Variants in MAP3K19 observed in about 807,000 individuals in gnomAD.
The protein encoded by MAP3K19 is mitogen-activated protein kinase kinase kinase 19, also known as SPS1/STE20-related protein kinase YSK4.
In MAP3K19, 91 loss-of-function variants were observed where a neutral mutation model predicts 114.4. That is an observed-to-expected ratio of 0.80 (90% CI 0.67 to 0.95). The LOEUF (loss-of-function observed/expected upper bound fraction) is 0.95. MAP3K19 is among the 40% of genes least tolerant of loss of function. MAP3K19 has a pLI of 0.00. For missense variants in MAP3K19, 1,471 were observed against 1,573.2 expected (o/e 0.94, Z 1.10); for synonymous variants, 518 against 530.5 (o/e 0.98, Z 0.32).
At chr2:135,006,884 A>G (rs532792811) in intron 5 of MAP3K19, among the ~76,000 whole-genome samples, 4 of 151,566 alleles carry the variant, frequency 2.6e-5, no homozygotes, top group African/African-American at 9.7e-5. Context: ...AAAGGAAATA[A>G]AAGTAAAACC....
chr2:135,002,970 T>G (rs893998960), intron 6 of MAP3K19, among the ~76,000 whole-genome samples: 1 of 152,150 alleles, frequency 6.6e-6, no homozygotes, highest in African/African-American at 2.4e-5. Flanking sequence ...TGTGGCTTAT[T>G]TGGAGATGGG....
chr2:135,008,670 G>A (rs1477745599), intron 5 of MAP3K19, among the ~76,000 whole-genome samples: 1 of 152,060 alleles, frequency 6.6e-6, no homozygotes, highest in Non-Finnish European at 1.5e-5. Context: ...TAATCCACCA[G>A]CAGTGCATGA....
Position 135,005,633 on chromosome 2 carries a change from G to C in MAP3K19, c.139-102C>G, listed in dbSNP as rs911458855. 3.9e-5 allele frequency: 32 copies of C among 820,650 alleles called. No homozygotes were observed. In the African/African-American group the frequency reaches 5.5e-4, roughly 14 times the overall value. The allele number at this position is 820,650 out of a possible 1,614,324, so 50.8% of individuals were successfully genotyped here. On this transcript the variant is annotated intron_variant, in intron 5 of 12. Coordinates refer to ENST00000392915, the MANE Select transcript of MAP3K19 (RefSeq NM_025052.5). ...TTTCTGGGCTAAAGATTTACACCATGGATTCCTTTTAAATTGGATAAAGTA... is the reference window on the plus strand; with the variant it reads ...TTTCTGGGCTAAAGATTTACACCATCGATTCCTTTTAAATTGGATAAAGTA...
At chr2:135,036,274 A>G (rs1003981539) in intron 2 of MAP3K19, among the ~76,000 whole-genome samples, 21 of 152,116 alleles carry the variant, frequency 1.4e-4, no homozygotes, top group Non-Finnish European at 2.8e-4. Flanking sequence ...AAGCCACTCT[A>G]TTGGTTACTT....
At chr2:134,970,624 GTC>G (rs1358580899) in intron 12 of MAP3K19, among the ~76,000 whole-genome samples, 1 of 140,298 alleles carries the variant, frequency 7.1e-6, no homozygotes, top group African/African-American at 2.6e-5. Flanking sequence ...TTTAGATGGA[GTC>G]TCACTCTGTC....
chr2:134,966,254 A>G (rs748503358), intron 12 of MAP3K19, among the ~76,000 whole-genome samples: 13 of 152,120 alleles, frequency 8.5e-5, no homozygotes, highest in Non-Finnish European at 1.8e-4. Context: ...CAGTAGGAGG[A>G]TTGCTGGATC....
chr2:134,998,183 G>A (rs1469100433), intron 8 of MAP3K19, among the ~76,000 whole-genome samples: 2 of 152,132 alleles, frequency 1.3e-5, no homozygotes, highest in Non-Finnish European at 2.9e-5. Context: ...TAAGGCTAAC[G>A]TAGACTCAAG....
intron 12 of MAP3K19, among the ~76,000 whole-genome samples, chr2:134,971,163 T>A (rs1304584734): frequency 6.6e-6 from 1 of 152,236 alleles, no homozygotes; most frequent in Non-Finnish European, 1.5e-5. Flanking sequence ...TTTCTGTTTC[T>A]ATTGAGATGG....
At chr2:135,038,750 T>G (rs1688584207) in intron 2 of MAP3K19, among the ~76,000 whole-genome samples, 1 of 151,528 alleles carries the variant, frequency 6.6e-6, no homozygotes, top group African/African-American at 2.4e-5. Context: ...CCCAACTACT[T>G]GGGAGACTGA....
chr2:134,985,821 C>G lies in MAP3K19; in HGVS notation c.3051G>C (p.Glu1017Asp), dbSNP rs1685050957. The change falls in exon 10 of 13, where the codon GAG becomes GAC. Residue 1017 changes from glutamate to aspartate, a missense_variant. Coordinates refer to ENST00000392915, the MANE Select transcript of MAP3K19 (RefSeq NM_025052.5). Reference protein sequence around the residue: ...RGSTPKEMGRETTKVKIQRHS... With the variant: ...RGSTPKEMGRDTTKVKIQRHS... ...CAACCTGTATTTTGACTTTTGTTGTCTCTCTGCCCATTTCTTTTGGGGTAC... is the reference window on the plus strand; with the variant it reads ...CAACCTGTATTTTGACTTTTGTTGTGTCTCTGCCCATTTCTTTTGGGGTAC... 6.2e-7 allele frequency: 1 copy of G among 1,607,698 alleles called. No individual in the cohort carries two copies. The highest frequency in any genetic ancestry group is 1.3e-5 in the African/African-American group (1 of 74,482).
chr2:134,991,692 G>A (rs1685591981), intron 8 of MAP3K19, 112 bp from the exon 9 acceptor site: 1 of 857,534 alleles, frequency 1.2e-6, no homozygotes, highest in African/African-American at 1.7e-5. Context: ...AGGAAAAGTT[G>A]TAGAAATTGG....
intron 12 of MAP3K19, among the ~76,000 whole-genome samples, chr2:134,976,377 T>G (rs1287323315): frequency 6.6e-6 from 1 of 152,118 alleles, no homozygotes; most frequent in African/African-American, 2.4e-5. Flanking sequence ...TGTGAGAATG[T>G]GGACCACTGA....
Position 134,991,545 on chromosome 2 carries a change from T to TGTACTTCA in MAP3K19, c.609_610insTGAAGTAC (p.Ser204Ter), listed in dbSNP as rs1685579028. On this transcript the variant is annotated stop_gained and frameshift_variant, in exon 9 of 13. Transcript: ENST00000392915. LOFTEE classifies it high-confidence loss of function. ...GCTAGCACTAATCTTACCTTGATGC[T>TGTACTTCA]TCGGCCACTGTACTTCATATGAGAG... 1 of 1,613,600 alleles carries TGTACTTCA rather than the reference T, an allele frequency of 6.2e-7. No homozygotes were observed.
intron 3 of MAP3K19, among the ~76,000 whole-genome samples, chr2:135,028,343 C>T (rs886405121): frequency 6.0e-4 from 92 of 152,086 alleles, no homozygotes; most frequent in African/African-American, 2.1e-3. Flanking sequence ...ATTGCTTGAG[C>T]CCAGGAGTTT....
chr2:134,993,596 C>T (rs1225269897), intron 8 of MAP3K19, among the ~76,000 whole-genome samples: 2 of 152,180 alleles, frequency 1.3e-5, no homozygotes, highest in Non-Finnish European at 2.9e-5. Context: ...TCTAGAAATA[C>T]AACTGAATAT....
In MAP3K19 at chr2:134,988,148, T is replaced by G. The variant is rs772076378; in HGVS notation, c.724A>C (p.Thr242Pro). 1 of 1,614,014 alleles carries G rather than the reference T, an allele frequency of 6.2e-7. No individual in the cohort carries two copies. Among genetic ancestry groups the G allele is most frequent in the South Asian group, 1.1e-5 (1 of 91,050 alleles). The change falls in exon 10 of 13, where the codon ACA (threonine) becomes CCA (proline). Residue 242 changes from threonine (T) to proline (P), a missense_variant. Transcript: ENST00000392915. ...KEKERNIPSL[T>P]SFVPKLSVSV... Reference sequence around the variant, plus strand: ...ACTGAGAGCTTAGGCACAAAAGATGTGAGACTTGGAATGTTTCTTTCTTTT... The same window carrying G: ...ACTGAGAGCTTAGGCACAAAAGATGGGAGACTTGGAATGTTTCTTTCTTTT...
At chr2:134,977,681 G>C (rs1684342165) in intron 12 of MAP3K19, among the ~76,000 whole-genome samples, 1 of 151,978 alleles carries the variant, frequency 6.6e-6, no homozygotes, top group Non-Finnish European at 1.5e-5. Flanking sequence ...ATTTTTTGTA[G>C]AAACAGGGTC....
chr2:134,992,415 A>T (rs2105262082), intron 8 of MAP3K19, among the ~76,000 whole-genome samples: 1 of 152,250 alleles, frequency 6.6e-6, no homozygotes, highest in East Asian at 1.9e-4. Context: ...AGTCAGAATG[A>T]TCCCCAAAAC....
intron 6 of MAP3K19, among the ~76,000 whole-genome samples, chr2:135,003,542 G>GTGTTTGTT (rs10692556): frequency 0.028 from 4,191 of 151,552 alleles, 52 homozygotes; most frequent in African/African-American, 0.038. Context: ...TGAGAAAATA[G>GTGTTTGTT]TGTTTGTTTG....
Sources: gnomAD v4.1 joint callset for allele counts (sites outside exome capture counted in the v4.1 genomes callset) on GRCh38, gnomAD v4.1.1 for gene constraint, MANE v1.5 for transcripts, NCBI Gene and HGNC (gene_info 2026-07-23, HGNC 2026-07-21) for gene names.